OPCML: variants seen among roughly 807,000 people sequenced by gnomAD.
The protein encoded by OPCML is opioid-binding protein/cell adhesion molecule.
OPCML carries 13 observed loss-of-function variants against 37.8 expected under a neutral mutation model. The observed-to-expected ratio is 0.34, with a 90% CI of 0.22 to 0.55. The LOEUF is 0.55. Ranked by LOEUF, OPCML falls within the 20% of genes least tolerant of loss-of-function variation. The pLI, the probability that OPCML is intolerant of heterozygous loss-of-function variation, is 0.91. For missense variants in OPCML, 341 were observed against 435.6 expected (o/e 0.78, Z 1.93); for synonymous variants, 176 against 168.8 (o/e 1.04, Z -0.33).
chr11:132,437,806 A>G (rs1401952315), intron 4 of OPCML, among the ~76,000 whole-genome samples: 1 of 152,212 alleles, frequency 6.6e-6, no homozygotes, highest in African/African-American at 2.4e-5. Flanking sequence ...ATGTTTTTGT[A>G]TGCAGAATAC....
At chr11:132,790,032 A>C (rs1157819997) in intron 2 of OPCML, among the ~76,000 whole-genome samples, 1 of 152,226 alleles carries the variant, frequency 6.6e-6, no homozygotes, top group East Asian at 1.9e-4. Flanking sequence ...AACAATATGG[A>C]AGTTTCTCAA....
At chr11:132,641,851 G>C (rs2135724034) in intron 3 of OPCML, among the ~76,000 whole-genome samples, 1 of 152,314 alleles carries the variant, frequency 6.6e-6, no homozygotes, top group African/African-American at 2.4e-5. Context: ...CCAATTCTGT[G>C]ATTAGTTGTT....
intron 4 of OPCML, among the ~76,000 whole-genome samples, chr11:132,449,469 G>A (rs1408172083): frequency 6.6e-6 from 1 of 152,118 alleles, no homozygotes; most frequent in African/African-American, 2.4e-5. Flanking sequence ...GGAAAATGAT[G>A]CTTCTACCTA....
At chr11:133,043,093 A>G (rs1223132440) in intron 1 of OPCML, among the ~76,000 whole-genome samples, 1 of 152,126 alleles carries the variant, frequency 6.6e-6, no homozygotes, top group African/African-American at 2.4e-5. Context: ...ACCCCTGGGC[A>G]GCCAGGTCGG....
chr11:132,507,064 C>A (rs2096258635), intron 4 of OPCML, among the ~76,000 whole-genome samples: 1 of 149,888 alleles, frequency 6.7e-6, no homozygotes, highest in African/African-American at 2.4e-5. Context: ...GAAATACAAT[C>A]TTAAAGTTAG....
chr11:133,005,281 A>AGAAT (rs1297919944), intron 1 of OPCML: 2 of 985,310 alleles, frequency 2.0e-6, no homozygotes, highest in East Asian at 2.3e-4. Flanking sequence ...ATCAATAGCC[A>AGAAT]GAATGAATGA....
At chr11:132,716,215 C>T (rs1051699760) in intron 2 of OPCML, among the ~76,000 whole-genome samples, 1 of 152,180 alleles carries the variant, frequency 6.6e-6, no homozygotes, top group African/African-American at 2.4e-5. Context: ...AAACTCACTC[C>T]AGCCATGTCC....
chr11:133,070,662 G>T (rs1948517879), intron 1 of OPCML, among the ~76,000 whole-genome samples: 1 of 152,154 alleles, frequency 6.6e-6, no homozygotes, highest in South Asian at 2.1e-4. Context: ...AATCCAAGTT[G>T]TTTATTAGCA....
intron 4 of OPCML, among the ~76,000 whole-genome samples, chr11:132,488,178 C>G (rs1007758132): frequency 1.3e-5 from 2 of 152,200 alleles, no homozygotes; most frequent in African/African-American, 4.8e-5. Flanking sequence ...TTCTAAGAGG[C>G]CTTGTGAAAA....
At chr11:133,271,677 T>G (rs1236919500) in intron 1 of OPCML, among the ~76,000 whole-genome samples, 2 of 152,220 alleles carry the variant, frequency 1.3e-5, no homozygotes, top group Non-Finnish European at 2.9e-5. Context: ...AGAACCAATA[T>G]TCTCACCCCT....
At chr11:133,518,487 G>A (rs1948332517) in intron 1 of OPCML, among the ~76,000 whole-genome samples, 2 of 152,074 alleles carry the variant, frequency 1.3e-5, no homozygotes, top group African/African-American at 2.4e-5. Context: ...GGATGTTTGT[G>A]TATAAGTGTG....
At position 132,890,864 on chromosome 11, in the gene OPCML, AAAAAAAAAAG is replaced by A. The variant is rs1397105686; in HGVS notation, c.146+52052_146+52061del. ...AGAGCGAGACTCCATCTCAAAAAAA[AAAAAAAAAAG>A]AAAAAAAAAGAAAAGAAAAATGACC... On this transcript the variant is annotated intron_variant, in intron 2 of 7. Transcript: ENST00000524381. 3.9e-4 allele frequency among the ~76,000 whole-genome samples: 59 copies of A among 150,656 alleles called. No individual in the cohort carries two copies. In the South Asian group the frequency reaches 9.0e-3, roughly 23 times the overall value.
intron 2 of OPCML, among the ~76,000 whole-genome samples, chr11:132,755,721 C>A (rs1946018591): frequency 6.6e-6 from 1 of 152,138 alleles, no homozygotes; most frequent in African/African-American, 2.4e-5. Context: ...CTATAGCTCA[C>A]ACAGTTTGTC....
intron 1 of OPCML, among the ~76,000 whole-genome samples, chr11:133,000,820 G>A (rs1251201877): frequency 6.6e-6 from 1 of 152,334 alleles, no homozygotes; most frequent in East Asian, 1.9e-4. Context: ...GGCCTGGTGG[G>A]AGGTGTCTGT....
chr11:133,438,105 T>C (rs1403598112), intron 1 of OPCML, among the ~76,000 whole-genome samples: 3 of 152,202 alleles, frequency 2.0e-5, no homozygotes, highest in African/African-American at 7.2e-5. Context: ...CTTGATGTTT[T>C]AAAAATGTAT....
At chr11:132,898,848 C>T (rs1020672843) in intron 2 of OPCML, among the ~76,000 whole-genome samples, 1 of 147,616 alleles carries the variant, frequency 6.8e-6, no homozygotes, top group African/African-American at 2.6e-5. Context: ...GCCCCCCCCA[C>T]CCCCGCAGCC....
At chr11:133,084,023 C>G (rs982809928) in intron 1 of OPCML, among the ~76,000 whole-genome samples, 1 of 152,094 alleles carries the variant, frequency 6.6e-6, no homozygotes, top group Admixed American at 6.5e-5. Flanking sequence ...GCCTCGTCTC[C>G]CTAACTAGAT....
At chr11:132,713,281 C>A (rs559056218) in intron 2 of OPCML, among the ~76,000 whole-genome samples, 1 of 152,248 alleles carries the variant, frequency 6.6e-6, no homozygotes, top group South Asian at 2.1e-4. Flanking sequence ...GGCCTCTAAT[C>A]CTACAGGTGC....
intron 1 of OPCML, among the ~76,000 whole-genome samples, chr11:133,398,547 T>C (rs1945335086): frequency 6.6e-6 from 1 of 152,170 alleles, no homozygotes; most frequent in Non-Finnish European, 1.5e-5. Flanking sequence ...TCGCTAATAT[T>C]GCACCTCCAT....
Sources: gnomAD v4.1 joint callset for allele counts (sites outside exome capture counted in the v4.1 genomes callset) on GRCh38, gnomAD v4.1.1 for gene constraint, MANE v1.5 for transcripts, NCBI Gene and HGNC (gene_info 2026-07-23, HGNC 2026-07-21) for gene names.